The following DGKH variants were observed in gnomAD, a reference collection of about 807,000 sequenced individuals.
DGKH encodes DAG kinase eta.
A neutral mutation model predicts 159.3 loss-of-function variants in DGKH; 90 were observed. The observed-to-expected ratio is 0.57, with a 90% CI of 0.48 to 0.67. The LOEUF (loss-of-function observed/expected upper bound fraction) is 0.67. DGKH is among the 30% of genes least tolerant of loss of function. The probability of loss-of-function intolerance (pLI) is 0.00; values close to 1 mark genes in which losing one functional copy is unlikely to be tolerated. For missense variants in DGKH, 1,181 were observed against 1,506.1 expected (o/e 0.78, Z 3.57); for synonymous variants, 536 against 553.8 (o/e 0.97, Z 0.45).
At chr13:42,129,680 C>G (rs1012507746) in intron 3 of DGKH, 48 bp downstream of exon 3, 15 of 1,532,156 alleles carry the variant, frequency 9.8e-6, no homozygotes, top group Non-Finnish European at 1.3e-5. Context: ...ATAGAATGAC[C>G]TTTCTTAAGC....
At chr13:42,084,584 G>A (rs1056233842) in intron 1 of DGKH, among the ~76,000 whole-genome samples, 2 of 151,982 alleles carry the variant, frequency 1.3e-5, no homozygotes, top group Non-Finnish European at 2.9e-5. Flanking sequence ...ACAATGTATT[G>A]CGTATTTTTA....
At chr13:42,099,114 C>T (rs1954604102) in intron 1 of DGKH, among the ~76,000 whole-genome samples, 1 of 152,180 alleles carries the variant, frequency 6.6e-6, no homozygotes, top group Non-Finnish European at 1.5e-5. Flanking sequence ...TCCTCATCTT[C>T]TCGCCCACAC....
intron 1 of DGKH, among the ~76,000 whole-genome samples, chr13:42,091,832 T>C (rs553019952): frequency 4.0e-4 from 61 of 152,308 alleles, no homozygotes; most frequent in African/African-American, 1.4e-3. Flanking sequence ...ATGCTCAACA[T>C]CACTAATCAT....
Position 42,240,047 on chromosome 13 carries a change from A to G in DGKH, c.*10859A>G, listed in dbSNP as rs1041689631. ...TTGAAACTTTTTCTGTTAAAATAAC[A>G]TAACATTTCAATTACACACACACAA... On this transcript the variant is annotated 3_prime_UTR_variant, in exon 30 of 30. Transcript: ENST00000337343. 6.6e-6 allele frequency: 1 copy of G among 152,236 alleles called. No individual in the cohort carries two copies. Among genetic ancestry groups the G allele is most frequent in the Non-Finnish European group, 1.5e-5 (1 of 68,030 alleles). 9.4% of individuals were successfully genotyped at this position (152,236 alleles called of 1,614,324 possible).
chr13:42,211,430 G>C (rs1033325076), intron 24 of DGKH, among the ~76,000 whole-genome samples: 4 of 152,344 alleles, frequency 2.6e-5, no homozygotes, highest in African/African-American at 9.6e-5. Context: ...AGGCACAGTG[G>C]CTCATGCCTG....
chr13:42,226,844 G>A (rs1182720938), intron 29 of DGKH, among the ~76,000 whole-genome samples: 2 of 142,140 alleles, frequency 1.4e-5, no homozygotes, highest in Non-Finnish European at 3.1e-5. Flanking sequence ...GCGACAGTAT[G>A]AGACTCTGTC....
intron 29 of DGKH, among the ~76,000 whole-genome samples, chr13:42,222,050 T>C (rs978571886): frequency 6.6e-6 from 1 of 152,224 alleles, no homozygotes; most frequent in African/African-American, 2.4e-5. Flanking sequence ...TATTTGTGAA[T>C]TGACGATAGA....
At position 42,146,917 on chromosome 13, in the gene DGKH, A is replaced by T. The variant is rs1033534816; in HGVS notation, c.385-8374A>T. Among the ~76,000 whole-genome samples the T allele has an allele frequency of 2.7e-4, 41 of 152,354 alleles. 1 individual carries two copies. Among genetic ancestry groups the T allele is most frequent in the Admixed American group, 2.1e-3 (32 of 15,300 alleles). ...TTATTGCCTATTCAGAATTTTAAAA[A>T]ATGCTACATGGGACCCACCTTCTGG... On this transcript the variant is annotated intron_variant, in intron 3 of 29. Transcript: ENST00000337343.
intron 1 of DGKH, chr13:42,068,976 T>G: frequency 6.7e-7 from 1 of 1,491,136 alleles, no homozygotes. Flanking sequence ...GATGAGGAAT[T>G]TGAGGGGAAG....
At chr13:42,186,001 G>T (rs950804833) in intron 13 of DGKH, among the ~76,000 whole-genome samples, 1 of 81,458 alleles carries the variant, frequency 1.2e-5, no homozygotes, top group Non-Finnish European at 2.7e-5. Flanking sequence ...GAGGAGTGGT[G>T]GTGGTGGTGG....
At position 42,236,407 on chromosome 13, in the gene DGKH, A is replaced by C. The variant is rs1408761287; in HGVS notation, c.*7219A>C. 6.6e-6 allele frequency: 1 copy of C among 152,240 alleles called. No homozygotes were observed. Among genetic ancestry groups the C allele is most frequent in the Non-Finnish European group, 1.5e-5 (1 of 68,042 alleles). The allele number at this position is 152,240 out of a possible 1,614,324, so 9.4% of individuals were successfully genotyped here. On this transcript the variant is annotated 3_prime_UTR_variant, in exon 30 of 30. Transcript: ENST00000337343. ...ATAGTAATAGACACTTTGTTAAAAA[A>C]ATAAGTTTCATGTTTAAAATAAATA...
Position 42,178,116 on chromosome 13 carries a change from A to T in DGKH, c.1453-19A>T. ...AATGCCAGCAACAATAATACAGTGT[A>T]GAGTTTTCTTTTCTTCAGATGACGA... On this transcript the variant is annotated intron_variant, in intron 12 of 29. Coordinates refer to ENST00000337343, the MANE Select transcript of DGKH (RefSeq NM_178009.5). 6.3e-7 allele frequency: 1 copy of T among 1,595,136 alleles called. No individual in the cohort carries two copies.
At chr13:42,117,260 T>C (rs1356371626) in intron 1 of DGKH, among the ~76,000 whole-genome samples, 3 of 152,252 alleles carry the variant, frequency 2.0e-5, no homozygotes, top group Admixed American at 6.5e-5. Flanking sequence ...TAATATCGAA[T>C]ATAATAGCAT....
intron 29 of DGKH, among the ~76,000 whole-genome samples, chr13:42,223,110 G>C (rs1001204716): frequency 6.6e-6 from 1 of 152,118 alleles, no homozygotes; most frequent in Non-Finnish European, 1.5e-5. Flanking sequence ...AACAAGATGT[G>C]GGGGGTGGAT....
rs368253963 is a variant in DGKH at position 42,207,693 on chromosome 13, G to GTATATATATATATATATATATATA, written c.2602-1265_2602-1264insATATATATATATATATATATATAT. Among the ~76,000 whole-genome samples the GTATATATATATATATATATATATA allele has an allele frequency of 2.5e-4, 32 of 126,524 alleles. 1 individual carries two copies. Among genetic ancestry groups the GTATATATATATATATATATATATA allele is most frequent in the South Asian group, 1.7e-3 (6 of 3,476 alleles). The allele number at this position is 126,524 out of a possible 152,430, so 83.0% of individuals were successfully genotyped here. ...AAAGAGAGGGCACAATTATTAAAGT[G>GTATATATATATATATATATATATA]TGTATATATATATATATATATATCA... is the stretch of plus-strand genomic sequence containing the variant. On this transcript the variant is annotated intron_variant, in intron 21 of 29. Transcript: ENST00000337343.
chr13:42,130,608 C>G (rs943543367), intron 3 of DGKH, among the ~76,000 whole-genome samples: 11 of 152,162 alleles, frequency 7.2e-5, no homozygotes, highest in African/African-American at 2.7e-4. Context: ...AAAGCTACCA[C>G]TCCTGACAGC....
rs61757579 is a variant in DGKH at position 42,219,332 on chromosome 13, C to A, written c.3316C>A (p.His1106Asn). The change falls in exon 27 of 30, where the codon CAC (histidine) becomes AAC (asparagine). Residue 1106 changes from histidine (H) to asparagine (N), a missense_variant. Coordinates refer to ENST00000337343, the MANE Select transcript of DGKH (RefSeq NM_178009.5). ...GATTCCTTGGCTTTATTATATCTTA[C>A]ACCCAAATGAGGATGAGGTATGTAA... ...TEIPWLYYIL[H>N]PNEDEEPPMD... 1.2e-3 allele frequency: 1,954 copies of A among 1,613,844 alleles called. 3 individuals are homozygous for A. The highest frequency in any genetic ancestry group is 1.7e-3 in the South Asian group (158 of 91,060).
chr13:42,243,411 A>C (rs922365081), downstream of DGKH, among the ~76,000 whole-genome samples: 1 of 152,198 alleles, frequency 6.6e-6, no homozygotes, highest in African/African-American at 2.4e-5. Context: ...GTTTGCATTT[A>C]TAGTAATGAT....
At chr13:42,164,211 C>G (rs1956259390) in intron 7 of DGKH, among the ~76,000 whole-genome samples, 1 of 152,156 alleles carries the variant, frequency 6.6e-6, no homozygotes, top group African/African-American at 2.4e-5. Context: ...TCATCCAGGT[C>G]TGTGGACATA....
Sources: gnomAD v4.1 joint callset for allele counts (sites outside exome capture counted in the v4.1 genomes callset) on GRCh38, gnomAD v4.1.1 for gene constraint, MANE v1.5 for transcripts, NCBI Gene and HGNC (gene_info 2026-07-23, HGNC 2026-07-21) for gene names.